The following RCOR3 variants were observed in gnomAD, a reference collection of about 807,000 sequenced individuals.
RCOR3 encodes the protein REST corepressor 3.
A neutral mutation model predicts 64.1 loss-of-function variants in RCOR3; 13 were observed. The ratio of observed to expected loss-of-function variants is 0.20; its 90% CI spans 0.13 to 0.32. The LOEUF is 0.32. Among genes scored for constraint, RCOR3 ranks in the 10% least tolerant of loss-of-function variants. The pLI is 1.00. For missense variants in RCOR3, 489 were observed against 701.2 expected (o/e 0.70, Z 3.42); for synonymous variants, 215 against 239.0 (o/e 0.90, Z 0.93).
chr1:211,266,431 A>C (rs1695198734), intron 2 of RCOR3, among the ~76,000 whole-genome samples: 1 of 152,166 alleles, frequency 6.6e-6, no homozygotes, highest in Admixed American at 6.5e-5. Flanking sequence ...ACTCCAGTTA[A>C]AAGATCTAAT....
rs1219104146 is a variant in RCOR3, at chr1:211,270,498, G to A, written c.224-734G>A. Among the ~76,000 whole-genome samples the A allele has an allele frequency of 4.0e-5, 6 of 151,022 alleles. No individual in the cohort carries two copies. In the East Asian group the frequency reaches 9.7e-4, roughly 24 times the overall value. ...AAGAAATAAAATTAAATAAAAAGCA[G>A]ACAAAAGTGTTTAAAAATTACAGCA... On this transcript the variant is annotated intron_variant, in intron 2 of 11. Transcript: ENST00000419091.
At chr1:211,307,760 T>G (rs1700999070) in intron 10 of RCOR3, among the ~76,000 whole-genome samples, 1 of 151,906 alleles carries the variant, frequency 6.6e-6, no homozygotes. Context: ...AACTAAAATT[T>G]ATGCTACTTT....
intron 7 of RCOR3, among the ~76,000 whole-genome samples, chr1:211,288,513 A>AAATT (rs71134673): frequency 0.96 from 139,999 of 146,496 alleles, 66,953 homozygotes; most frequent in East Asian, 1. Context: ...TTTTATAAAT[A>AAATT]TATTTATAAT....
At chr1:211,278,303 T>C in intron 6 of RCOR3, 62 bp downstream of exon 6, 1 of 1,542,492 alleles carries the variant, frequency 6.5e-7, no homozygotes, top group East Asian at 2.3e-5. Context: ...TGCTTACATT[T>C]CCTAAGGCAG....
At chr1:211,303,413 T>G (rs978906351) in intron 9 of RCOR3, 3 of 152,234 alleles carry the variant, frequency 2.0e-5, no homozygotes, top group Non-Finnish European at 4.4e-5. Context: ...GCCTCGGTAT[T>G]ACACCAAGCC....
chr1:211,299,334 G>A (rs1207451105), intron 9 of RCOR3, among the ~76,000 whole-genome samples: 1 of 152,164 alleles, frequency 6.6e-6, no homozygotes, highest in Non-Finnish European at 1.5e-5. Flanking sequence ...TGAGGGTGTC[G>A]CTGGCATGTC....
At chr1:211,285,428 G>A (rs190756976) in intron 7 of RCOR3, among the ~76,000 whole-genome samples, 6 of 152,272 alleles carry the variant, frequency 3.9e-5, no homozygotes, top group South Asian at 2.1e-4. Flanking sequence ...TTCCTCCAAC[G>A]TAATCAATCC....
chr1:211,284,829 T>C (rs1368385901), intron 7 of RCOR3, among the ~76,000 whole-genome samples: 1 of 152,246 alleles, frequency 6.6e-6, no homozygotes, highest in Non-Finnish European at 1.5e-5. Flanking sequence ...TGGCTATTTA[T>C]TTTTTAATAC....
chr1:211,259,393 C>A lies in RCOR3; in HGVS notation c.-168C>A. The A allele has an allele frequency of 1.6e-6, 1 of 610,404 alleles. No homozygotes were observed. Among genetic ancestry groups the A allele is most frequent in the South Asian group, 2.1e-5 (1 of 48,670 alleles). The allele number at this position is 610,404 out of a possible 1,614,324, so 37.8% of individuals were successfully genotyped here. On this transcript the variant is annotated 5_prime_UTR_variant, in exon 1 of 12. Transcript: ENST00000419091. ...TGTTGTGAGGCGACTGCGCTACTGCCGGAGCGGGGCGGTTATGGCGGCTCC... is the reference window on the plus strand; with the variant it reads ...TGTTGTGAGGCGACTGCGCTACTGCAGGAGCGGGGCGGTTATGGCGGCTCC...
chr1:211,271,372 C>A, intron 3 of RCOR3, 63 bp downstream of exon 3: 2 of 1,336,542 alleles, frequency 1.5e-6, no homozygotes, highest in Non-Finnish European at 2.1e-6. Flanking sequence ...CAAAATATGA[C>A]TTACGTTTGT....
chr1:211,284,921 C>G (rs184717956), intron 7 of RCOR3, among the ~76,000 whole-genome samples: 1 of 152,280 alleles, frequency 6.6e-6, no homozygotes, highest in Admixed American at 6.5e-5. Context: ...GCTCTCTATT[C>G]TGCTTCTGTT....
At chr1:211,289,543 C>A in intron 8 of RCOR3, 147 bp downstream of exon 8, 2 of 652,284 alleles carry the variant, frequency 3.1e-6, no homozygotes, top group Non-Finnish European at 5.2e-6. Flanking sequence ...ATCTTAAGTC[C>A]AACTTAGAAG....
chr1:211,300,507 T>G (rs1048074172), intron 9 of RCOR3, among the ~76,000 whole-genome samples: 6 of 152,318 alleles, frequency 3.9e-5, no homozygotes, highest in African/African-American at 1.4e-4. Context: ...TTCTTTTTCT[T>G]CCTTTAACTT....
At chr1:211,290,692 T>C (rs1699146129) in intron 8 of RCOR3, among the ~76,000 whole-genome samples, 1 of 152,200 alleles carries the variant, frequency 6.6e-6, no homozygotes, top group African/African-American at 2.4e-5. Context: ...TGATTCTTTC[T>C]ATTACTTCTC....
At chr1:211,308,895 A>G (rs1315666915) in intron 10 of RCOR3, among the ~76,000 whole-genome samples, 2 of 151,546 alleles carry the variant, frequency 1.3e-5, no homozygotes, top group South Asian at 2.1e-4. Flanking sequence ...TATTTTTAGT[A>G]GAAACTGGGT....
At chr1:211,268,658 T>TG (rs1695645105) in intron 2 of RCOR3, among the ~76,000 whole-genome samples, 1 of 152,152 alleles carries the variant, frequency 6.6e-6, no homozygotes, top group South Asian at 2.1e-4. Context: ...ATTATAGACT[T>TG]GAGCCACAGG....
At chr1:211,270,857 CT>C (rs1420971089) in intron 2 of RCOR3, among the ~76,000 whole-genome samples, 1,575 of 141,992 alleles carry the variant, frequency 0.011, 6 homozygotes, top group African/African-American at 0.015. Context: ...ATAAAGCTTA[CT>C]TTTTTTTTTT....
At chr1:211,271,542 A>T in intron 3 of RCOR3, 5 of 601,170 alleles carry the variant, frequency 8.3e-6, no homozygotes, top group Non-Finnish European at 1.6e-5. Flanking sequence ...ATGAAGAATG[A>T]AAAAACCTAG....
chr1:211,294,334 A>G (rs1159113577), intron 8 of RCOR3, among the ~76,000 whole-genome samples: 1 of 151,982 alleles, frequency 6.6e-6, no homozygotes, highest in Non-Finnish European at 1.5e-5. Context: ...AACTACAACC[A>G]TTTTGACTCC....
Sources: allele counts gnomAD v4.1 joint callset (sites outside exome capture counted in the v4.1 genomes callset), GRCh38; gene constraint gnomAD v4.1.1; transcripts MANE v1.5; gene names NCBI Gene and HGNC (gene_info 2026-07-23, HGNC 2026-07-21).